CSMD1: variants seen among roughly 807,000 people sequenced by gnomAD.
CSMD1 encodes the protein CUB and Sushi multiple domains 1.
Under a neutral mutation model 417.5 loss-of-function variants are expected in CSMD1, and 213 were observed. That is an observed-to-expected ratio of 0.51 (90% CI 0.46 to 0.57). The LOEUF (loss-of-function observed/expected upper bound fraction) is 0.57, where lower values mean the gene tolerates loss of function less well. Among genes scored for constraint, CSMD1 ranks in the 20% least tolerant of loss-of-function variants. The pLI is 0.00. For missense variants in CSMD1, 6,923 were observed against 4,529.7 expected, an observed-to-expected ratio of 1.53 and a Z score of -15.17; for synonymous variants, 2,862 against 1,736.8, an observed-to-expected ratio of 1.65 and a Z score of -16.11.
intron 51 of CSMD1, among the ~76,000 whole-genome samples, chr8:3,022,679 T>TAAAAA (rs35865350): frequency 1.5e-5 from 2 of 136,372 alleles, no homozygotes; most frequent in Non-Finnish European, 3.2e-5. Context: ...ACATTCTAGC[T>TAAAAA]AAAAAAAAAA....
At chr8:3,290,174 C>G (rs937606783) in intron 25 of CSMD1, among the ~76,000 whole-genome samples, 9 of 146,754 alleles carry the variant, frequency 6.1e-5, no homozygotes, top group Non-Finnish European at 1.2e-4. Flanking sequence ...CTGTTCTGTT[C>G]CATTGGTCTC....
chr8:4,698,368 C>G (rs937531549), intron 1 of CSMD1, among the ~76,000 whole-genome samples: 1 of 152,058 alleles, frequency 6.6e-6, no homozygotes, highest in Non-Finnish European at 1.5e-5. Flanking sequence ...CTGGTGAATG[C>G]ATCAGAGAAA....
intron 11 of CSMD1, among the ~76,000 whole-genome samples, chr8:3,489,456 G>C (rs577809074): frequency 3.9e-5 from 6 of 152,256 alleles, no homozygotes; most frequent in East Asian, 1.9e-4. Flanking sequence ...AGCTGCAAAG[G>C]CCAGAGGGAA....
intron 46 of CSMD1, among the ~76,000 whole-genome samples, chr8:3,106,100 T>C (rs922412844): frequency 4.6e-5 from 7 of 151,834 alleles, no homozygotes; most frequent in Admixed American, 3.3e-4. Flanking sequence ...ACAGATTAAG[T>C]GCAGGCTGGG....
chr8:3,847,010 C>T (rs1803554123), intron 5 of CSMD1, among the ~76,000 whole-genome samples: 1 of 152,104 alleles, frequency 6.6e-6, no homozygotes, highest in Non-Finnish European at 1.5e-5. Flanking sequence ...TTTTCCAGAT[C>T]CACAGCAGAT....
At chr8:4,002,334 C>T (rs563603772) in intron 4 of CSMD1, among the ~76,000 whole-genome samples, 3 of 152,198 alleles carry the variant, frequency 2.0e-5, no homozygotes, top group East Asian at 1.9e-4. Flanking sequence ...TTAATTTCTC[C>T]GCTATTTTTG....
intron 7 of CSMD1, among the ~76,000 whole-genome samples, chr8:3,691,841 C>G (rs183684295): frequency 1.2e-4 from 19 of 152,224 alleles, no homozygotes; most frequent in African/African-American, 3.4e-4. Flanking sequence ...GAAAGAGAGT[C>G]TGTAACTTGA....
At chr8:3,905,419 G>T (rs192326668) in intron 5 of CSMD1, among the ~76,000 whole-genome samples, 1 of 152,286 alleles carries the variant, frequency 6.6e-6, no homozygotes, top group Admixed American at 6.5e-5. Context: ...TAACCAGGCA[G>T]GTGGCGTCAA....
chr8:3,618,357 C>A (rs1044749657), intron 7 of CSMD1, among the ~76,000 whole-genome samples: 4 of 152,130 alleles, frequency 2.6e-5, no homozygotes, highest in Non-Finnish European at 5.9e-5. Context: ...CATAATCCTT[C>A]ATTAAATACA....
chr8:3,486,986 C>G (rs1386144923), intron 11 of CSMD1, among the ~76,000 whole-genome samples: 1 of 152,138 alleles, frequency 6.6e-6, no homozygotes, highest in Non-Finnish European at 1.5e-5. Context: ...CTCAATCCTC[C>G]TTGATCCTGG....
chr8:3,881,081 A>G (rs1257538366), intron 5 of CSMD1, among the ~76,000 whole-genome samples: 1 of 152,182 alleles, frequency 6.6e-6, no homozygotes, highest in Non-Finnish European at 1.5e-5. Flanking sequence ...TAAAAAACTG[A>G]ATGCACGAAA....
At chr8:3,755,155 C>T (rs190453220) in intron 5 of CSMD1, among the ~76,000 whole-genome samples, 98 of 152,294 alleles carry the variant, frequency 6.4e-4, no homozygotes, top group Admixed American at 2.0e-3. Context: ...GTTAGAGGCG[C>T]AAGGGACACA....
chr8:3,893,870 C>T (rs1272573706), intron 5 of CSMD1, among the ~76,000 whole-genome samples: 1 of 152,088 alleles, frequency 6.6e-6, no homozygotes, highest in Non-Finnish European at 1.5e-5. Flanking sequence ...AAAACACACC[C>T]CTGGTTGGAG....
chr8:4,405,859 C>A (rs78329444), intron 3 of CSMD1, among the ~76,000 whole-genome samples: 3,499 of 151,522 alleles, frequency 0.023, 123 homozygotes, highest in African/African-American at 0.081. Flanking sequence ...GATCCACTCA[C>A]CACTTTAGAA....
chr8:4,852,921 G>A (rs67494490), intron 1 of CSMD1, among the ~76,000 whole-genome samples: 31,247 of 152,160 alleles, frequency 0.21, 4,140 homozygotes, highest in Non-Finnish European at 0.3. Context: ...AGAATGATGA[G>A]AGGGTACATG....
chr8:3,083,610 T>TTTATATATATATATA (rs1563320333), intron 49 of CSMD1, among the ~76,000 whole-genome samples: 2 of 30,930 alleles, frequency 6.5e-5, no homozygotes, highest in Non-Finnish European at 1.1e-4. Context: ...ACCATAATTT[T>TTTATATATATATATA]TATATATATA....
At chr8:4,296,831 C>G (rs1258815791) in intron 3 of CSMD1, among the ~76,000 whole-genome samples, 1 of 148,388 alleles carries the variant, frequency 6.7e-6, no homozygotes, top group South Asian at 2.2e-4. Context: ...CTGAAGATAT[C>G]TGTGGAGGGC....
intron 5 of CSMD1, among the ~76,000 whole-genome samples, chr8:3,768,184 A>T (rs891646416): frequency 1.3e-5 from 2 of 152,158 alleles, no homozygotes; most frequent in African/African-American, 2.4e-5. Context: ...AAATTAAGGG[A>T]ATCTTTAGGA....
chr8:3,641,571 C>A (rs1797310012), intron 7 of CSMD1, among the ~76,000 whole-genome samples: 1 of 152,146 alleles, frequency 6.6e-6, no homozygotes, highest in Non-Finnish European at 1.5e-5. Flanking sequence ...AACATCCTTT[C>A]AGAAATCATG....
Sources: gnomAD v4.1 joint callset for allele counts (sites outside exome capture counted in the v4.1 genomes callset) on GRCh38, gnomAD v4.1.1 for gene constraint, MANE v1.5 for transcripts, NCBI Gene and HGNC (gene_info 2026-07-23, HGNC 2026-07-21) for gene names.